ZNF717: variants seen among roughly 807,000 people sequenced by gnomAD.
ZNF717 encodes krueppel-like factor X17.
In ZNF717, 9 loss-of-function variants were observed where a neutral mutation model predicts 13.8. That is an observed-to-expected ratio of 0.65 (90% CI 0.39 to 1.14). ZNF717 has a LOEUF of 1.14. Ranked by LOEUF, ZNF717 falls within the 50% of genes most tolerant of loss-of-function variation. The pLI, the probability that ZNF717 is intolerant of heterozygous loss-of-function variation, is 0.01. For missense variants in ZNF717, 1,040 were observed against 1,080.7 expected (o/e 0.96, Z 0.53); for synonymous variants, 327 against 364.1 (o/e 0.90, Z 1.16).
intron 4 of ZNF717, among the ~76,000 whole-genome samples, chr3:75,739,671 CTCTCTTT>C (rs1940101385): frequency 8.2e-6 from 1 of 122,152 alleles, no homozygotes; most frequent in Non-Finnish European, 1.7e-5. Context: ...CATATGTTTT[CTCTCTTT>C]TTTTTTATTT....
intron 6 of ZNF717, among the ~76,000 whole-genome samples, chr3:75,701,319 C>T (rs1937691414): frequency 6.6e-6 from 1 of 152,292 alleles, no homozygotes; most frequent in African/African-American, 2.4e-5. Context: ...TTGTGAGTTT[C>T]CTGAGGCCTC....
chr3:75,758,755 T>C (rs1473898713), intron 2 of ZNF717, among the ~76,000 whole-genome samples: 2 of 152,140 alleles, frequency 1.3e-5, no homozygotes, highest in African/African-American at 4.8e-5. Flanking sequence ...GGTTCACCCC[T>C]GTCATCCCAA....
chr3:75,715,238 C>T (rs73841546), intron 5 of ZNF717, among the ~76,000 whole-genome samples: 5 of 149,730 alleles, frequency 3.3e-5, no homozygotes, highest in South Asian at 2.1e-4. Context: ...AGCTGGGACT[C>T]AATAAATTGT....
intron 1 of ZNF717, among the ~76,000 whole-genome samples, chr3:75,784,213 C>A (rs185008444): frequency 1.3e-5 from 2 of 152,168 alleles, no homozygotes; most frequent in African/African-American, 4.8e-5. Context: ...GTGATCCAGG[C>A]AACATAAATA....
chr3:75,710,989 A>G (rs1937926272), exon 6 of ZNF717: 1 of 152,162 alleles, frequency 6.6e-6, no homozygotes, highest in Admixed American at 6.5e-5. Context: ...ACAATCTTAA[A>G]GTTTTTGGGC....
chr3:75,751,745 T>C (rs1255069330), intron 2 of ZNF717, among the ~76,000 whole-genome samples: 12 of 151,382 alleles, frequency 7.9e-5, no homozygotes, highest in Non-Finnish European at 1.8e-4. Flanking sequence ...TTCTGAGTGT[T>C]TGTCCCTCAC....
downstream of ZNF717, among the ~76,000 whole-genome samples, chr3:75,708,987 C>T (rs1018127151): frequency 2.4e-5 from 3 of 127,488 alleles, no homozygotes; most frequent in African/African-American, 9.3e-5. Context: ...CACATCTTTT[C>T]TTTTTTTTCT....
chr3:75,750,321 T>A (rs1164251325), intron 2 of ZNF717, among the ~76,000 whole-genome samples: 3 of 148,062 alleles, frequency 2.0e-5, no homozygotes, highest in Admixed American at 6.6e-5. Context: ...GTCCCTCACA[T>A]AGGATTACAG....
intron 2 of ZNF717, among the ~76,000 whole-genome samples, chr3:75,779,113 T>C (rs898810701): frequency 1.1e-4 from 10 of 95,032 alleles, no homozygotes; most frequent in Middle Eastern, 0.011. Context: ...AACAATGGGA[T>C]TGACGTGCTA....
At chr3:75,710,153 G>A (rs1287541415) in exon 6 of ZNF717, 6 of 152,112 alleles carry the variant, frequency 3.9e-5, no homozygotes, top group Admixed American at 6.5e-5. Flanking sequence ...CTTAAGTAAT[G>A]GATACACAGT....
Position 75,736,767 on chromosome 3 carries a change from G to C in ZNF717, c.*111C>G. On this transcript the variant is annotated 3_prime_UTR_variant, in exon 5 of 5. Coordinates refer to ENST00000652011, the MANE Select transcript of ZNF717 (RefSeq NM_001290208.3). ...AGGACTTCTGTTACAGCATGGTTAA[G>C]ACCTTCTTGTTGGTAGGCCAGGAGG... The C allele has an allele frequency of 8.4e-7, 1 of 1,193,902 alleles. No individual in the cohort carries two copies. Among genetic ancestry groups the C allele is most frequent in the Non-Finnish European group, 1.1e-6 (1 of 874,176 alleles). 74.0% of individuals were successfully genotyped at this position (1,193,902 alleles called of 1,614,324 possible). A position where few individuals can be genotyped will look rare whatever the true frequency, so the allele number is the denominator to read the frequency against.
intron 4 of ZNF717, among the ~76,000 whole-genome samples, chr3:75,718,632 G>A (rs1266473685): frequency 6.6e-6 from 1 of 152,180 alleles, no homozygotes; most frequent in African/African-American, 2.4e-5. Flanking sequence ...ATGGCAGGGA[G>A]GATAGTTGCA....
At chr3:75,719,174 G>A (rs1215637508) in intron 4 of ZNF717, among the ~76,000 whole-genome samples, 2 of 151,660 alleles carry the variant, frequency 1.3e-5, no homozygotes, top group Admixed American at 6.6e-5. Flanking sequence ...ACATGCCTGT[G>A]GTCTCAGGTA....
intron 4 of ZNF717, chr3:75,716,592 G>A (rs1575719295): frequency 6.6e-6 from 1 of 152,176 alleles, no homozygotes; most frequent in East Asian, 1.9e-4. Flanking sequence ...GTGAAAGAAA[G>A]CAAGGAGCTC....
chr3:75,756,002 G>A, intron 2 of ZNF717, among the ~76,000 whole-genome samples: 1 of 43,972 alleles, frequency 2.3e-5, no homozygotes, highest in Non-Finnish European at 7.8e-5. Flanking sequence ...ATTGTGATTT[G>A]TGACCATGTT....
intron 5 of ZNF717, among the ~76,000 whole-genome samples, chr3:75,715,158 C>CT (rs1938022230): frequency 6.6e-6 from 1 of 152,154 alleles, no homozygotes. Context: ...GGCAGTTTGA[C>CT]TTTTTAAGAA....
chr3:75,728,402 G>A (rs1465747218), downstream of ZNF717, among the ~76,000 whole-genome samples: 1 of 152,204 alleles, frequency 6.6e-6, no homozygotes, highest in Non-Finnish European at 1.5e-5. Context: ...AATTTAAAGG[G>A]GAAAGGGTGA....
chr3:75,734,815 A>ATTT (rs1469622349), downstream of ZNF717, among the ~76,000 whole-genome samples: 79 of 43,228 alleles, frequency 1.8e-3, no homozygotes, highest in African/African-American at 3.5e-3. Flanking sequence ...ATATATATAT[A>ATTT]TATTTTTTTT....
At chr3:75,712,033 T>C (rs1407263102) in intron 5 of ZNF717, among the ~76,000 whole-genome samples, 2 of 152,268 alleles carry the variant, frequency 1.3e-5, no homozygotes, top group African/African-American at 4.8e-5. Context: ...AACACTGTTT[T>C]TCTAGATTTT....
Sources: allele counts gnomAD v4.1 joint callset (sites outside exome capture counted in the v4.1 genomes callset), GRCh38; gene constraint gnomAD v4.1.1; transcripts MANE v1.5; gene names NCBI Gene and HGNC (gene_info 2026-07-23, HGNC 2026-07-21).